GHR: variants seen among roughly 807,000 people sequenced by gnomAD.
GHR encodes GH receptor.
A neutral mutation model predicts 67.1 loss-of-function variants in GHR; 35 were observed. The ratio of observed to expected loss-of-function variants is 0.52; its 90% CI spans 0.40 to 0.69. GHR has a LOEUF of 0.69. Among genes scored for constraint, GHR ranks in the 30% least tolerant of loss-of-function variants. The probability of loss-of-function intolerance (pLI) is 0.00; values close to 1 mark genes in which losing one functional copy is unlikely to be tolerated. For missense variants in GHR, 792 were observed against 764.6 expected (o/e 1.04, Z -0.42); for synonymous variants, 272 against 269.1 (o/e 1.01, Z -0.10).
chr5:42,443,939 TGATATAGATATAGATATAGATA>T (rs1006175842), intron 1 of GHR, among the ~76,000 whole-genome samples: 6 of 145,950 alleles, frequency 4.1e-5, no homozygotes, highest in Admixed American at 4.1e-4. Context: ...CCAGCCAAGG[TGATATAGATATAGATATAGATA>T]GATATAGATA....
At chr5:42,473,112 G>C (rs955969082) in intron 1 of GHR, among the ~76,000 whole-genome samples, 3 of 152,194 alleles carry the variant, frequency 2.0e-5, no homozygotes. Context: ...TTATAAGTCT[G>C]TGTTGGGTGT....
chr5:42,643,325 A>C (rs1754572337), intron 3 of GHR, among the ~76,000 whole-genome samples: 1 of 152,188 alleles, frequency 6.6e-6, no homozygotes, highest in Non-Finnish European at 1.5e-5. Flanking sequence ...TAAATGTCCA[A>C]GAGAAAGAAA....
At chr5:42,683,643 A>G (rs1459716597) in intron 3 of GHR, among the ~76,000 whole-genome samples, 1 of 143,406 alleles carries the variant, frequency 7.0e-6, no homozygotes, top group African/African-American at 2.4e-5. Flanking sequence ...ATAAAATTTA[A>G]AAAAGCCGGA....
intron 3 of GHR, among the ~76,000 whole-genome samples, chr5:42,677,948 A>C (rs1000474138): frequency 1.3e-5 from 2 of 152,220 alleles, no homozygotes; most frequent in African/African-American, 2.4e-5. Context: ...TGCTCTTCCT[A>C]GGTAACAACA....
At chr5:42,650,578 C>CATTATATATATATATATATATATATAT in intron 3 of GHR, among the ~76,000 whole-genome samples, 1 of 129,048 alleles carries the variant, frequency 7.7e-6, no homozygotes, top group African/African-American at 3.0e-5. Flanking sequence ...TTACAGATAA[C>CATTATATATATATATATATATATATAT]ATATATATAT....
chr5:42,451,928 G>A (rs971669483), intron 1 of GHR, among the ~76,000 whole-genome samples: 2 of 152,072 alleles, frequency 1.3e-5, no homozygotes, highest in Admixed American at 1.3e-4. Flanking sequence ...GACATATAAG[G>A]TACTGTTCTA....
intron 2 of GHR, among the ~76,000 whole-genome samples, chr5:42,627,395 T>C (rs1753756468): frequency 6.6e-6 from 1 of 152,202 alleles, no homozygotes; most frequent in African/African-American, 2.4e-5. Flanking sequence ...TGAGTTCTTT[T>C]TAGAGGTTAG....
chr5:42,463,481 A>G (rs1356345688), intron 1 of GHR, among the ~76,000 whole-genome samples: 1 of 152,218 alleles, frequency 6.6e-6, no homozygotes, highest in Non-Finnish European at 1.5e-5. Flanking sequence ...TAAATCTGAG[A>G]ACTATTTTTT....
intron 3 of GHR, among the ~76,000 whole-genome samples, chr5:42,672,468 A>T (rs1221936306): frequency 1.3e-5 from 2 of 152,196 alleles, no homozygotes; most frequent in African/African-American, 2.4e-5. Flanking sequence ...AATGCTGCAC[A>T]AGTACAGCCA....
At chr5:42,528,032 A>C (rs1037748814) in intron 1 of GHR, among the ~76,000 whole-genome samples, 3 of 152,154 alleles carry the variant, frequency 2.0e-5, no homozygotes, top group Admixed American at 2.0e-4. Context: ...ATTAGTCCTC[A>C]TTGAGAAAGC....
intron 6 of GHR, among the ~76,000 whole-genome samples, chr5:42,710,613 T>G (rs1005057396): frequency 1.3e-5 from 2 of 152,070 alleles, no homozygotes; most frequent in Admixed American, 6.6e-5. Flanking sequence ...GCAAACTATT[T>G]TATGGTGGCT....
chr5:42,427,616 C>T (rs1742910643), intron 1 of GHR, among the ~76,000 whole-genome samples: 1 of 152,130 alleles, frequency 6.6e-6, no homozygotes, highest in Non-Finnish European at 1.5e-5. Flanking sequence ...ACCAATCATA[C>T]CTTCCCAACA....
chr5:42,591,075 C>T (rs1751748717), intron 2 of GHR, among the ~76,000 whole-genome samples: 1 of 152,222 alleles, frequency 6.6e-6, no homozygotes, highest in Non-Finnish European at 1.5e-5. Context: ...AAATGAAAAA[C>T]ACTTGAGCTG....
intron 1 of GHR, among the ~76,000 whole-genome samples, chr5:42,541,580 A>T (rs915780789): frequency 6.6e-6 from 1 of 151,998 alleles, no homozygotes; most frequent in African/African-American, 2.4e-5. Flanking sequence ...AAAAAAAGGG[A>T]CATGTTCTTA....
chr5:42,549,658 C>T (rs1039692738), intron 1 of GHR: 19 of 984,562 alleles, frequency 1.9e-5, no homozygotes, highest in Middle Eastern at 5.2e-4. Context: ...CCTTTGTGGA[C>T]GGAAGAAAGG....
chr5:42,479,721 T>C (rs1201695438), intron 1 of GHR, among the ~76,000 whole-genome samples: 3 of 152,132 alleles, frequency 2.0e-5, no homozygotes, highest in Admixed American at 6.5e-5. Context: ...TCTGTGGGAT[T>C]GGTGGTGATA....
At chr5:42,455,066 T>A in intron 1 of GHR, among the ~76,000 whole-genome samples, 1 of 152,176 alleles carries the variant, frequency 6.6e-6, no homozygotes, top group Admixed American at 6.5e-5. Context: ...TACAAGACTC[T>A]TCCTGCTGCT....
intron 6 of GHR, among the ~76,000 whole-genome samples, chr5:42,707,041 G>A (rs909730282): frequency 2.6e-5 from 4 of 151,378 alleles, no homozygotes; most frequent in Non-Finnish European, 4.4e-5. Context: ...TTCCATTTGC[G>A]TTATCTGTCA....
intron 3 of GHR, among the ~76,000 whole-genome samples, chr5:42,633,729 C>T (rs1754035084): frequency 6.6e-6 from 1 of 152,178 alleles, no homozygotes; most frequent in South Asian, 2.1e-4. Flanking sequence ...TCAGAAAATT[C>T]AACAGCATTC....
Sources: allele counts gnomAD v4.1 joint callset (sites outside exome capture counted in the v4.1 genomes callset), GRCh38; gene constraint gnomAD v4.1.1; transcripts MANE v1.5; gene names NCBI Gene and HGNC (gene_info 2026-07-23, HGNC 2026-07-21).